The following RDH12 variants were observed in gnomAD, a reference collection of about 807,000 sequenced individuals.
RDH12 encodes retinol dehydrogenase 12, also known as all-trans and 9-cis retinol dehydrogenase.
RDH12 carries 21 observed loss-of-function variants against 34.0 expected under a neutral mutation model. The ratio of observed to expected loss-of-function variants is 0.62; its 90% CI spans 0.44 to 0.89. The LOEUF (loss-of-function observed/expected upper bound fraction) is 0.89. Ranked by LOEUF, RDH12 falls within the 40% of genes least tolerant of loss-of-function variation. The pLI is 0.00. For synonymous variants in RDH12, 198 were observed against 169.9 expected (o/e 1.17, Z -1.29); for missense variants, 394 against 398.6 (o/e 0.99, Z 0.10).
intron 1 of RDH12, among the ~76,000 whole-genome samples, chr14:67,708,318 T>C (rs1307520622): frequency 1.3e-5 from 2 of 152,210 alleles, no homozygotes; most frequent in African/African-American, 4.8e-5. Context: ...CTGTTCTGCT[T>C]GATATTCGTG....
At chr14:67,704,303 T>C (rs988877379) in intron 1 of RDH12, among the ~76,000 whole-genome samples, 2 of 152,184 alleles carry the variant, frequency 1.3e-5, no homozygotes, top group Non-Finnish European at 2.9e-5. Flanking sequence ...TCATTAAAAT[T>C]TTCAAATCGT....
In RDH12 at chr14:67,722,409, T is replaced by G. The variant is rs2038134182; in HGVS notation, c.-219-15T>G. On this transcript the variant is annotated splice_polypyrimidine_tract_variant and intron_variant, in intron 2 of 8. Transcript: ENST00000551171. ...AAGTAAGCTTCAAACCTTGACTCCA[T>G]CCCCTCCCCACCAGGACTACATCTC... The G allele has an allele frequency of 1.7e-6, 1 of 599,580 alleles. No homozygotes were observed. Among genetic ancestry groups the G allele is most frequent in the African/African-American group, 1.9e-5 (1 of 53,898 alleles). The allele number at this position is 599,580 out of a possible 1,614,324, so 37.1% of individuals were successfully genotyped here.
intron 3 of RDH12, among the ~76,000 whole-genome samples, chr14:67,724,205 C>A (rs906079736): frequency 6.6e-6 from 1 of 152,192 alleles, no homozygotes; most frequent in Non-Finnish European, 1.5e-5. Context: ...TCTCCATTGG[C>A]CCTGACTCCA....
chr14:67,725,105 G>T lies in RDH12; in HGVS notation c.194G>T (p.Arg65Leu), dbSNP rs745471670. The T allele has an allele frequency of 2.5e-6, 4 of 1,614,028 alleles. No individual in the cohort carries two copies. Among genetic ancestry groups the T allele is most frequent in the Non-Finnish European group, 8.5e-7 (1 of 1,180,018 alleles). ...TTTTTTGTCTTGGACCCAGGAGCCCGAGTCTATATTGCCTGCAGAGATGTA... is the reference window on the plus strand; with the variant it reads ...TTTTTTGTCTTGGACCCAGGAGCCCTAGTCTATATTGCCTGCAGAGATGTA... ...TARELASRGA[R>L]VYIACRDVLK... Residue 65 changes from arginine to leucine, a missense_variant, in exon 5 of 9, where the codon CGA (arginine) becomes CTA (leucine). Physicochemically the swap from Arg to Leu is moderately radical, Grantham distance 102. Coordinates refer to ENST00000551171, the MANE Select transcript of RDH12 (RefSeq NM_152443.3).
intron 8 of RDH12, among the ~76,000 whole-genome samples, chr14:67,730,436 G>A (rs544994926): frequency 2.9e-4 from 44 of 152,228 alleles, no homozygotes; most frequent in African/African-American, 9.6e-4. Flanking sequence ...TTCGGAGTCC[G>A]GAATATTTCA....
intron 1 of RDH12, among the ~76,000 whole-genome samples, chr14:67,715,610 TTCTAC>T: frequency 6.6e-6 from 1 of 152,342 alleles, no homozygotes; most frequent in East Asian, 1.9e-4. Context: ...TTAGTTTCAT[TTCTAC>T]TTTACTCTAT....
rs116802390 is a variant in RDH12, at chr14:67,729,338, C to G, written c.806C>G (p.Ala269Gly). ...REGAQTSLHCALAEGLEPLSG... is the reference protein window; with the variant it reads ...REGAQTSLHCGLAEGLEPLSG... ...GGGGCGCAGACCAGCCTGCACTGCG[C>G]CCTGGCTGAGGGCCTGGAGCCCCTG... is the stretch of plus-strand genomic sequence containing the variant. The change falls in exon 8 of 9, where the codon GCC becomes GGC. Residue 269 changes from alanine (A) to glycine (G), a missense_variant. Ala to Gly is a moderately conservative substitution (Grantham distance 60, BLOSUM62 0). Transcript: ENST00000551171. The G allele has an allele frequency of 3.1e-5, 49 of 1,598,444 alleles. No homozygotes were observed. In the East Asian group the frequency reaches 1.0e-3, roughly 34 times the overall value.
At chr14:67,732,404 T>C (rs2140158861) in intron 8 of RDH12, among the ~76,000 whole-genome samples, 1 of 146,050 alleles carries the variant, frequency 6.8e-6, no homozygotes, top group East Asian at 2.1e-4. Context: ...CACTCCAGCC[T>C]GGGTGATGAA....
intron 4 of RDH12, 121 bp from the exon 5 acceptor site, chr14:67,724,978 T>G: frequency 1.7e-6 from 2 of 1,158,532 alleles, no homozygotes; most frequent in South Asian, 2.5e-5. Flanking sequence ...ATATGTTCAC[T>G]CTACCGTTGA....
intron 7 of RDH12, 43 bp downstream of exon 7, chr14:67,727,233 C>T (rs1490623226): frequency 3.3e-6 from 5 of 1,512,092 alleles, no homozygotes; most frequent in Non-Finnish European, 3.6e-6. Flanking sequence ...GTCCTCAGAC[C>T]AAATTAGAGG....
rs2038233580 is a variant in RDH12 at position 67,729,246 on chromosome 14, C to T, written c.714C>T (p.Val238=). The part of the protein sequence containing the change: ...VHPGVVRSEL[V]RHSSLLCLLW... ...CAGGCGTCGTCCGCTCTGAGCTGGT[C>T]CGGCACTCCTCCCTGCTCTGCCTGC... The change falls in exon 8 of 9, where the codon GTC becomes GTT. Residue 238 remains valine, a synonymous_variant. Transcript: ENST00000551171. 1 of 1,610,296 alleles carries T rather than the reference C, an allele frequency of 6.2e-7. No homozygotes were observed. Among genetic ancestry groups the T allele is most frequent in the Non-Finnish European group, 8.5e-7 (1 of 1,180,008 alleles).
intron 3 of RDH12, among the ~76,000 whole-genome samples, chr14:67,724,110 T>TAG (rs2038156367): frequency 8.3e-6 from 1 of 120,648 alleles, no homozygotes; most frequent in Non-Finnish European, 1.9e-5. Context: ...CATGCATATG[T>TAG]TTTGAATGTA....
At chr14:67,709,036 T>G (rs781555587) in intron 1 of RDH12, among the ~76,000 whole-genome samples, 1 of 152,186 alleles carries the variant, frequency 6.6e-6, no homozygotes, top group Non-Finnish European at 1.5e-5. Flanking sequence ...CATGATCCGC[T>G]GGCCTTGGCT....
intron 1 of RDH12, among the ~76,000 whole-genome samples, chr14:67,716,702 G>A (rs934797117): frequency 1.3e-5 from 2 of 152,076 alleles, no homozygotes; most frequent in Non-Finnish European, 2.9e-5. Flanking sequence ...TGGTTAACAT[G>A]GTGAAACCCC....
Position 67,722,631 on chromosome 14 carries a change from G to A in RDH12, c.-12G>A, listed in dbSNP as rs111860553. 7.4e-6 allele frequency: 12 copies of A among 1,613,214 alleles called. No homozygotes were observed. In the African/African-American group the frequency reaches 9.3e-5, roughly 13 times the overall value. ...AGCAGCAAAAGCAACAGCAGCTACA[G>A]AAGTTGGAACGATGCTGGTCACCTT... On this transcript the variant is annotated 5_prime_UTR_variant, in exon 3 of 9. Transcript: ENST00000551171.
chr14:67,708,559 G>T (rs1362203523), intron 1 of RDH12, among the ~76,000 whole-genome samples: 2 of 152,030 alleles, frequency 1.3e-5, no homozygotes, highest in East Asian at 3.8e-4. Flanking sequence ...TATCTCTGTG[G>T]CATATGATAA....
intron 1 of RDH12, among the ~76,000 whole-genome samples, chr14:67,706,713 C>T (rs2037953838): frequency 6.6e-6 from 1 of 152,098 alleles, no homozygotes; most frequent in South Asian, 2.1e-4. Flanking sequence ...TTGAATTTTC[C>T]CTTTGGCTTT....
At chr14:67,706,527 C>A (rs770333718) in intron 1 of RDH12, among the ~76,000 whole-genome samples, 2 of 152,154 alleles carry the variant, frequency 1.3e-5, no homozygotes, top group Non-Finnish European at 2.9e-5. Context: ...GGAGGGACAG[C>A]TCGAAGCATG....
chr14:67,728,705 G>GC lies in RDH12; in HGVS notation c.659-486_659-485insC, dbSNP rs1008157929. Among the ~76,000 whole-genome samples, 355 of 131,036 alleles carry GC rather than the reference G, an allele frequency of 2.7e-3. 2 individuals are homozygous for GC. Among genetic ancestry groups the GC allele is most frequent in the Admixed American group, 5.4e-3 (70 of 12,848 alleles). 86.0% of individuals were successfully genotyped at this position (131,036 alleles called of 152,430 possible). ...GTGACCGCACCAGGGATATCTTGTG[G>GC]GGGGGGGGTGTTAATCCCCCACAAT... On this transcript the variant is annotated intron_variant, in intron 7 of 8. Coordinates refer to ENST00000551171, the MANE Select transcript of RDH12 (RefSeq NM_152443.3).
Sources: allele counts gnomAD v4.1 joint callset (sites outside exome capture counted in the v4.1 genomes callset), GRCh38; gene constraint gnomAD v4.1.1; transcripts MANE v1.5; gene names NCBI Gene and HGNC (gene_info 2026-07-23, HGNC 2026-07-21).